ZNF131: variants seen among roughly 807,000 people sequenced by gnomAD.
ZNF131 encodes zinc finger and BTB domain containing 35.
ZNF131 carries 7 observed loss-of-function variants against 60.0 expected under a neutral mutation model. That is an observed-to-expected ratio of 0.12 (90% CI 0.07 to 0.22). The LOEUF (loss-of-function observed/expected upper bound fraction) is 0.22. Ranked by LOEUF, ZNF131 falls within the 10% of genes least tolerant of loss-of-function variation. The pLI is 1.00. For synonymous variants in ZNF131, 257 were observed against 253.2 expected, an observed-to-expected ratio of 1.01 and a Z score of -0.14; for missense variants, 493 against 740.9, an observed-to-expected ratio of 0.67 and a Z score of 3.88.
intron 5 of ZNF131, among the ~76,000 whole-genome samples, chr5:43,171,422 G>C (rs924459061): frequency 4.7e-4 from 71 of 152,134 alleles, no homozygotes; most frequent in African/African-American, 1.6e-3. Context: ...CTGGCTTAAA[G>C]AATCCTGTTA....
intron 4 of ZNF131, among the ~76,000 whole-genome samples, chr5:43,140,400 T>C (rs1035594457): frequency 6.6e-6 from 1 of 152,216 alleles, no homozygotes; most frequent in Admixed American, 6.5e-5. Context: ...TTAACCCTCC[T>C]GTCAGCTGTG....
At chr5:43,121,937 C>G (rs1393157674) in intron 1 of ZNF131, 102 bp from the exon 2 acceptor site, 4 of 1,299,554 alleles carry the variant, frequency 3.1e-6, no homozygotes, top group Admixed American at 5.6e-5. Context: ...CTCCCCCCTT[C>G]TTTTCACGTT....
chr5:43,140,781 A>G (rs1344049184), intron 4 of ZNF131, among the ~76,000 whole-genome samples: 3 of 152,176 alleles, frequency 2.0e-5, no homozygotes, highest in South Asian at 4.1e-4. Context: ...CAGTGGCACA[A>G]TCTCGGCTCA....
chr5:43,163,424 T>C (rs990475682), intron 5 of ZNF131, among the ~76,000 whole-genome samples: 3 of 152,106 alleles, frequency 2.0e-5, no homozygotes, highest in Non-Finnish European at 1.5e-5. Context: ...ATAAGGTCTT[T>C]ATACTTCTCC....
chr5:43,143,927 T>C (rs1417119020), intron 4 of ZNF131, among the ~76,000 whole-genome samples: 43 of 103,872 alleles, frequency 4.1e-4, no homozygotes, highest in Non-Finnish European at 7.9e-4. Flanking sequence ...TTTTTTTTTT[T>C]TTTTTTTTTC....
chr5:43,153,903 A>G (rs1340222842), intron 4 of ZNF131, among the ~76,000 whole-genome samples: 1 of 152,246 alleles, frequency 6.6e-6, no homozygotes, highest in Non-Finnish European at 1.5e-5. Context: ...CAAGCTACTC[A>G]GTATCTATGG....
chr5:43,125,807 C>G (rs1744476545), intron 3 of ZNF131, among the ~76,000 whole-genome samples: 1 of 151,850 alleles, frequency 6.6e-6, no homozygotes, highest in Non-Finnish European at 1.5e-5. Context: ...AAAAGTGGCC[C>G]AAGCTGGAAT....
At chr5:43,159,646 G>T (rs1749391112) in intron 4 of ZNF131, among the ~76,000 whole-genome samples, 1 of 144,716 alleles carries the variant, frequency 6.9e-6, no homozygotes, top group Admixed American at 7.3e-5. Context: ...AGTGAGCCAA[G>T]ATCGTGCCAC....
intron 4 of ZNF131, among the ~76,000 whole-genome samples, chr5:43,160,208 G>T (rs1254598343): frequency 1.3e-5 from 2 of 148,494 alleles, no homozygotes; most frequent in Non-Finnish European, 3.0e-5. Flanking sequence ...AACAAAAAAA[G>T]AAGAAATCTG....
chr5:43,129,537 T>C (rs1354290357), intron 3 of ZNF131, among the ~76,000 whole-genome samples: 1 of 152,214 alleles, frequency 6.6e-6, no homozygotes, highest in Non-Finnish European at 1.5e-5. Flanking sequence ...TACTCACAAA[T>C]ACTAATAGTT....
chr5:43,136,077 C>A (rs1746045183), intron 3 of ZNF131, among the ~76,000 whole-genome samples: 1 of 152,158 alleles, frequency 6.6e-6, no homozygotes, highest in African/African-American at 2.4e-5. Context: ...CCTCTGTACT[C>A]CAGCTCGGGC....
At chr5:43,172,783 T>C (rs1233288949) in intron 5 of ZNF131, among the ~76,000 whole-genome samples, 1 of 152,234 alleles carries the variant, frequency 6.6e-6, no homozygotes. Context: ...TCCTCTGTGC[T>C]ACTGCAATAC....
chr5:43,121,841 G>T, intron 1 of ZNF131, 198 bp from the exon 2 acceptor site: 1 of 468,178 alleles, frequency 2.1e-6, no homozygotes, highest in Middle Eastern at 5.8e-4. Flanking sequence ...CAGGCTCGGA[G>T]TCCCGCGGCC....
chr5:43,152,867 C>T (rs2111774707), intron 4 of ZNF131, among the ~76,000 whole-genome samples: 1 of 152,270 alleles, frequency 6.6e-6, no homozygotes, highest in African/African-American at 2.4e-5. Context: ...GCCTCAGCCT[C>T]CCAAAGTGCT....
chr5:43,144,237 C>CTTTTTT (rs935655531), intron 4 of ZNF131, among the ~76,000 whole-genome samples: 19 of 65,310 alleles, frequency 2.9e-4, no homozygotes, highest in East Asian at 6.8e-4. Flanking sequence ...TTCTTTCTTT[C>CTTTTTT]TTTTTTTTTT....
intron 3 of ZNF131, among the ~76,000 whole-genome samples, chr5:43,137,086 A>G (rs981006511): frequency 6.6e-6 from 1 of 152,190 alleles, no homozygotes; most frequent in South Asian, 2.1e-4. Flanking sequence ...AGACTTAGAC[A>G]TAAGACCAAA....
chr5:43,155,239 C>T (rs549933410), intron 4 of ZNF131, among the ~76,000 whole-genome samples: 1 of 152,304 alleles, frequency 6.6e-6, no homozygotes, highest in Non-Finnish European at 1.5e-5. Flanking sequence ...ACAAGTGACA[C>T]TTGGTGGGCA....
At chr5:43,162,367 G>A (rs1026975495) in intron 5 of ZNF131, among the ~76,000 whole-genome samples, 8 of 151,686 alleles carry the variant, frequency 5.3e-5, no homozygotes, top group African/African-American at 1.5e-4. Context: ...CGAGGCAGGC[G>A]GATCACCTGA....
At chr5:43,157,147 T>C (rs1486442801) in intron 4 of ZNF131, among the ~76,000 whole-genome samples, 4 of 152,138 alleles carry the variant, frequency 2.6e-5, no homozygotes, top group South Asian at 4.1e-4. Context: ...AGGGCCCTTA[T>C]AGAAGCCAAG....
Sources: gnomAD v4.1 joint callset for allele counts (sites outside exome capture counted in the v4.1 genomes callset) on GRCh38, gnomAD v4.1.1 for gene constraint, MANE v1.5 for transcripts, NCBI Gene and HGNC (gene_info 2026-07-23, HGNC 2026-07-21) for gene names.